RSRC1: variants seen among roughly 807,000 people sequenced by gnomAD.
The protein encoded by RSRC1 is serine/Arginine-related protein 53.
In RSRC1, 39 loss-of-function variants were observed where a neutral mutation model predicts 49.1. The observed-to-expected ratio is 0.79, with a 90% CI of 0.61 to 1.04. The LOEUF is 1.04. Among genes scored for constraint, RSRC1 ranks in the 50% least tolerant of loss-of-function variants. RSRC1 has a pLI of 0.00. For synonymous variants in RSRC1, 143 were observed against 130.8 expected, an observed-to-expected ratio of 1.09 and a Z score of -0.63; for missense variants, 388 against 402.4, an observed-to-expected ratio of 0.96 and a Z score of 0.31.
chr3:158,262,208 T>C (rs1161397871), intron 4 of RSRC1, among the ~76,000 whole-genome samples: 2 of 152,190 alleles, frequency 1.3e-5, no homozygotes. Context: ...TTGCCTAATT[T>C]AAGGTCCAAA....
chr3:158,372,434 A>G (rs1346102402), intron 6 of RSRC1, among the ~76,000 whole-genome samples: 2 of 151,844 alleles, frequency 1.3e-5, no homozygotes, highest in African/African-American at 4.8e-5. Flanking sequence ...TTGCCTTTGT[A>G]CCTTTGCAAA....
At chr3:158,198,561 G>A (rs1406354509) in intron 3 of RSRC1, among the ~76,000 whole-genome samples, 1 of 152,160 alleles carries the variant, frequency 6.6e-6, no homozygotes, top group Non-Finnish European at 1.5e-5. Context: ...TTGCTCGTTA[G>A]TTGATGCATT....
chr3:158,158,831 C>T lies in RSRC1; in HGVS notation c.320+34840C>T, dbSNP rs112618220. The stretch of plus-strand genomic sequence containing the variant: ...GCCTGTGCCTGTAATCTCAGCTACT[C>T]GGGAGGCTGAGGCAAGAGAATTACT... On this transcript the variant is annotated intron_variant, in intron 3 of 9. Transcript: ENST00000611884. Among the ~76,000 whole-genome samples, 1,137 of 151,114 alleles carry T rather than the reference C, an allele frequency of 7.5e-3. 18 individuals are homozygous for T. The highest frequency in any genetic ancestry group is 0.027 in the African/African-American group (1,100 of 41,086).
chr3:158,397,114 T>G (rs964366518), intron 6 of RSRC1, among the ~76,000 whole-genome samples: 3 of 152,220 alleles, frequency 2.0e-5, no homozygotes, highest in Non-Finnish European at 4.4e-5. Context: ...AAATTCTCTT[T>G]GAATTGATTT....
chr3:158,517,134 A>C (rs989504258), intron 7 of RSRC1, among the ~76,000 whole-genome samples: 1 of 152,064 alleles, frequency 6.6e-6, no homozygotes, highest in Non-Finnish European at 1.5e-5. Flanking sequence ...CATTTGTTGG[A>C]TTTATTCCTA....
intron 6 of RSRC1, among the ~76,000 whole-genome samples, chr3:158,428,382 G>GAA (rs1735580355): frequency 6.6e-6 from 1 of 151,834 alleles, no homozygotes; most frequent in South Asian, 2.1e-4. Context: ...TTAGGAAACA[G>GAA]AATGCTGGTG....
intron 6 of RSRC1, among the ~76,000 whole-genome samples, chr3:158,376,598 G>A (rs1732389369): frequency 6.6e-6 from 1 of 152,134 alleles, no homozygotes; most frequent in African/African-American, 2.4e-5. Context: ...CATTATGGCT[G>A]GAAACTCAAA....
At chr3:158,226,594 A>C (rs1467268162) in intron 4 of RSRC1, among the ~76,000 whole-genome samples, 2 of 151,822 alleles carry the variant, frequency 1.3e-5, no homozygotes, top group Non-Finnish European at 2.9e-5. Flanking sequence ...AGTGTAATAT[A>C]ATGTTATTTG....
intron 6 of RSRC1, among the ~76,000 whole-genome samples, chr3:158,396,321 C>T (rs1041040359): frequency 2.0e-5 from 3 of 151,520 alleles, no homozygotes; most frequent in Non-Finnish European, 2.9e-5. Flanking sequence ...AATCTAGACA[C>T]GTACCCCTGA....
intron 7 of RSRC1, among the ~76,000 whole-genome samples, chr3:158,466,669 G>A (rs1737902959): frequency 6.6e-6 from 1 of 152,184 alleles, no homozygotes; most frequent in South Asian, 2.1e-4. Context: ...TCCTAGCTCT[G>A]TGACCGAATA....
At chr3:158,514,868 G>T (rs1376509579) in intron 7 of RSRC1, among the ~76,000 whole-genome samples, 1 of 152,150 alleles carries the variant, frequency 6.6e-6, no homozygotes, top group Non-Finnish European at 1.5e-5. Context: ...TTACCATTAT[G>T]TAATGGCCTT....
At chr3:158,111,239 G>C (rs1379349850) in intron 1 of RSRC1, among the ~76,000 whole-genome samples, 1 of 152,214 alleles carries the variant, frequency 6.6e-6, no homozygotes, top group Non-Finnish European at 1.5e-5. Context: ...TAGTCTTAGA[G>C]TTTATAAATA....
At chr3:158,480,939 A>G (rs1160459905) in intron 7 of RSRC1, among the ~76,000 whole-genome samples, 2 of 151,970 alleles carry the variant, frequency 1.3e-5, no homozygotes, top group Admixed American at 6.6e-5. Context: ...GGGAATAGTG[A>G]CTCTTGATAC....
chr3:158,209,499 C>T (rs574135237), intron 4 of RSRC1, among the ~76,000 whole-genome samples: 1 of 152,200 alleles, frequency 6.6e-6, no homozygotes, highest in Admixed American at 6.6e-5. Flanking sequence ...ACCAAGACAC[C>T]TACTAAAATG....
chr3:158,219,746 C>CT (rs1722130814), intron 4 of RSRC1, among the ~76,000 whole-genome samples: 1 of 151,444 alleles, frequency 6.6e-6, no homozygotes, highest in Non-Finnish European at 1.5e-5. Flanking sequence ...ATGATGAAGC[C>CT]TTAATAAAGG....
intron 7 of RSRC1, among the ~76,000 whole-genome samples, chr3:158,496,307 T>C (rs2108453475): frequency 6.6e-6 from 1 of 152,292 alleles, no homozygotes; most frequent in Admixed American, 6.5e-5. Flanking sequence ...TTAGTGTGCC[T>C]CAAAATCACC....
intron 6 of RSRC1, among the ~76,000 whole-genome samples, chr3:158,410,564 A>G (rs1734406519): frequency 6.6e-6 from 1 of 152,170 alleles, no homozygotes; most frequent in South Asian, 2.1e-4. Context: ...GTCAGACCGT[A>G]TCTGTTTTGT....
At chr3:158,497,401 CT>C in intron 7 of RSRC1, among the ~76,000 whole-genome samples, 1 of 147,462 alleles carries the variant, frequency 6.8e-6, no homozygotes, top group East Asian at 2.1e-4. Flanking sequence ...CCTTGCCCCC[CT>C]CCCACTCTTC....
chr3:158,259,081 G>T (rs1276624676), intron 4 of RSRC1, among the ~76,000 whole-genome samples: 1 of 152,014 alleles, frequency 6.6e-6, no homozygotes, highest in Non-Finnish European at 1.5e-5. Context: ...CTTTGGTGAG[G>T]CCATCTTTTT....
Sources: gnomAD v4.1 joint callset for allele counts (sites outside exome capture counted in the v4.1 genomes callset) on GRCh38, gnomAD v4.1.1 for gene constraint, MANE v1.5 for transcripts, NCBI Gene and HGNC (gene_info 2026-07-23, HGNC 2026-07-21) for gene names.